Variants in COL6A5 observed in about 807,000 individuals in gnomAD.
The protein encoded by COL6A5 is collagen type VI alpha 5 chain, also known as collagen alpha-5(VI) chain.
COL6A5 carries 48 observed loss-of-function variants against 65.6 expected under a neutral mutation model. The ratio of observed to expected loss-of-function variants is 0.73; its 90% CI spans 0.58 to 0.93. The LOEUF (loss-of-function observed/expected upper bound fraction) is 0.93, where lower values mean the gene tolerates loss of function less well. Among genes scored for constraint, COL6A5 ranks in the 40% least tolerant of loss-of-function variants. The pLI is 0.00. For missense variants in COL6A5, 914 were observed against 928.3 expected, an observed-to-expected ratio of 0.98 and a Z score of 0.20; for synonymous variants, 291 against 322.8, an observed-to-expected ratio of 0.90 and a Z score of 1.05.
rs146326445 is a variant in COL6A5 at position 130,442,810 on chromosome 3, A to G, written c.1242-666A>G. On this transcript the variant is annotated intron_variant, in intron 3 of 7. Transcript: ENST00000512836. ...GAAATGCTTATCTTAGTATTTGAAA[A>G]TGTGATTATTATAAAACTACAGATG... is the stretch of plus-strand genomic sequence containing the variant. Among the ~76,000 whole-genome samples, 412 of 152,320 alleles carry G rather than the reference A, an allele frequency of 2.7e-3. 3 individuals are homozygous for G. The highest frequency in any genetic ancestry group is 8.5e-3 in the African/African-American group (352 of 41,588).
At chr3:130,458,476 T>A (rs139647170) in intron 5 of COL6A5, among the ~76,000 whole-genome samples, 70 of 152,242 alleles carry the variant, frequency 4.6e-4, no homozygotes, top group African/African-American at 1.5e-3. Context: ...TCAGCACTTG[T>A]CCTAGACTAC....
intron 20 of COL6A5, 97 bp downstream of exon 20, chr3:130,410,621 C>G: frequency 1.9e-6 from 2 of 1,047,186 alleles, no homozygotes; most frequent in Non-Finnish European, 2.8e-6. Flanking sequence ...TGATTCAGGG[C>G]TGAAATATTT....
intron 1 of COL6A5, among the ~76,000 whole-genome samples, chr3:130,433,154 C>T (rs1334926940): frequency 1.3e-5 from 2 of 152,038 alleles, no homozygotes; most frequent in African/African-American, 2.4e-5. Context: ...TACAACAGAT[C>T]CTGACAAAAA....
chr3:130,415,719 G>A lies in COL6A5; in HGVS notation c.4824+12G>A, dbSNP rs7628563. On this transcript the variant is annotated intron_variant and NMD_transcript_variant, in intron 23 of 41. Transcript: ENST00000312481. ...AGAAAGGACCTCAGGTGAGTGACTC[G>A]GAGACATTAGGCTCAATGACTCTCA... 1,232,912 of 1,541,490 alleles carry A rather than the reference G, an allele frequency of 0.8. 508,271 individuals are homozygous for A. The highest frequency in any genetic ancestry group is 0.86 in the Non-Finnish European group (977,523 of 1,140,550).
chr3:130,376,149 C>T, intron 2 of COL6A5, 88 bp from the exon 3 acceptor site: 1 of 1,339,928 alleles, frequency 7.5e-7, no homozygotes, highest in Non-Finnish European at 9.9e-7. Context: ...ACACTTAACA[C>T]CAGCACATAG....
chr3:130,401,838 G>A, exon 12 of COL6A5: 1 of 1,551,262 alleles, frequency 6.4e-7, no homozygotes, highest in Non-Finnish European at 8.7e-7. Context: ...GGGACCCGAG[G>A]ACTACAAGCC....
At chr3:130,384,054 T>A (rs1936097191) in intron 4 of COL6A5, among the ~76,000 whole-genome samples, 1 of 152,022 alleles carries the variant, frequency 6.6e-6, no homozygotes, top group Admixed American at 6.6e-5. Context: ...ATGACAGGTG[T>A]GCTTTAGATA....
chr3:130,422,800 C>G lies in COL6A5; in HGVS notation c.5100+18C>G. ...GACTAGCAGTAAGTAGCCTATAATT[C>G]CAGAAATGATAAATATTCCTTTGGC... is the stretch of plus-strand genomic sequence containing the variant. On this transcript the variant is annotated intron_variant and NMD_transcript_variant, in intron 28 of 41. Coordinates refer to the COL6A5 transcript ENST00000312481. 7.1e-7 allele frequency: 1 copy of G among 1,413,086 alleles called. No homozygotes were observed. Among genetic ancestry groups the G allele is most frequent in the Non-Finnish European group, 9.5e-7 (1 of 1,056,306 alleles). The allele number at this position is 1,413,086 out of a possible 1,614,324, so 87.5% of individuals were successfully genotyped here. A position where few individuals can be genotyped will look rare whatever the true frequency, so the allele number is the denominator to read the frequency against.
exon 27 of COL6A5, chr3:130,421,328 C>T (rs894168503): frequency 8.4e-6 from 13 of 1,550,496 alleles, no homozygotes; most frequent in Non-Finnish European, 1.1e-5. Flanking sequence ...ATTATAGGGC[C>T]CAAGAGGATT....
intron 11 of COL6A5, 71 bp from the exon 12 acceptor site, chr3:130,401,691 A>G: frequency 8.9e-7 from 1 of 1,118,554 alleles, no homozygotes; most frequent in Non-Finnish European, 1.3e-6. Flanking sequence ...TATGATTTGT[A>G]TGAGTACAAT....
chr3:130,351,759 A>G (rs1233481312), intron 1 of COL6A5, among the ~76,000 whole-genome samples: 2 of 152,220 alleles, frequency 1.3e-5, no homozygotes, highest in African/African-American at 4.8e-5. Flanking sequence ...CAATTCCTCA[A>G]GGATCTAGAA....
intron 19 of COL6A5, 112 bp from the exon 20 acceptor site, chr3:130,410,359 A>G: frequency 1.3e-6 from 1 of 778,320 alleles, no homozygotes; most frequent in Non-Finnish European, 2.2e-6. Flanking sequence ...TGATCACAGC[A>G]TGACATGTTT....
chr3:130,440,678 A>G lies in COL6A5; in HGVS notation c.1096A>G (p.Ile366Val), dbSNP rs752587560. Reference sequence around the variant, plus strand: ...GTGTCAAGGCTACGTCATATTTGTGATTTCTCTGGGCTCTACACGTAAGGA... The same window carrying G: ...GTGTCAAGGCTACGTCATATTTGTGGTTTCTCTGGGCTCTACACGTAAGGA... Residue 366 changes from isoleucine (I) to valine (V), a missense_variant, in exon 3 of 8, where the codon ATT (isoleucine) becomes GTT (valine). Physicochemically the swap from Ile to Val is conservative, Grantham distance 29. Transcript: ENST00000512836. 5.6e-6 allele frequency: 9 copies of G among 1,613,496 alleles called. No individual in the cohort carries two copies. The East Asian group carries it at 2.0e-4, about 36-fold the overall frequency.
chr3:130,441,700 G>A (rs1249012971), intron 3 of COL6A5, among the ~76,000 whole-genome samples: 3 of 152,106 alleles, frequency 2.0e-5, no homozygotes, highest in Non-Finnish European at 1.5e-5. Context: ...GGCATTATTT[G>A]ACAGTCACAA....
Position 130,444,801 on chromosome 3 carries a change from G to A in COL6A5, c.1332+1235G>A, listed in dbSNP as rs1355084401. Among the ~76,000 whole-genome samples, 5 of 152,324 alleles carry A rather than the reference G, an allele frequency of 3.3e-5. No homozygotes were observed. The South Asian group carries it at 8.3e-4, about 25-fold the overall frequency. ...CCTCAGCTCCAGGCATGATGGATAA[G>A]TGAGCTTGAGAGGATTCAAAAATTT... On this transcript the variant is annotated intron_variant, in intron 4 of 7. Coordinates refer to ENST00000512836, the Ensembl canonical transcript of COL6A5.
chr3:130,477,312 T>C (rs1211403575), intron 7 of COL6A5: 1 of 424,206 alleles, frequency 2.4e-6, no homozygotes, highest in African/African-American at 2.0e-5. Flanking sequence ...TATTTGACAA[T>C]TAAAAATATA....
intron 2 of COL6A5, among the ~76,000 whole-genome samples, chr3:130,374,063 C>T (rs748946266): frequency 1.3e-4 from 20 of 152,234 alleles, no homozygotes; most frequent in East Asian, 3.9e-4. Flanking sequence ...TAAGTATTTT[C>T]GTGACTAAAA....
At chr3:130,431,612 CAAG>C (rs1559899832) in exon 1 of COL6A5, 1 of 1,551,552 alleles carries the variant, frequency 6.4e-7, no homozygotes, top group Non-Finnish European at 8.7e-7. Flanking sequence ...CCTGTGGGAG[CAAG>C]AGTTGCCATG....
rs200853390 is a variant in COL6A5, at chr3:130,455,524, G to A, written c.1404G>A (p.Gly468=). 1.2e-3 allele frequency: 1,974 copies of A among 1,612,926 alleles called. 7 individuals are homozygous for A. The highest frequency in any genetic ancestry group is 1.0e-3 in the Non-Finnish European group (1,182 of 1,179,304). Reference sequence around the variant, plus strand: ...TCATTGGCCAAGAATTAAATTCTGGGAGAGAATCACCTTTTGTAAAGACGG... The same window carrying A: ...TCATTGGCCAAGAATTAAATTCTGGAAGAGAATCACCTTTTGTAAAGACGG... Residue 468 remains glycine (G), a synonymous_variant, in exon 5 of 8, where the codon GGG becomes GGA. Transcript: ENST00000512836.
Sources: allele counts gnomAD v4.1 joint callset (sites outside exome capture counted in the v4.1 genomes callset), GRCh38; gene constraint gnomAD v4.1.1; transcripts MANE v1.5; gene names NCBI Gene and HGNC (gene_info 2026-07-23, HGNC 2026-07-21).